Variants in BBS9 observed in about 807,000 individuals in gnomAD.
The protein encoded by BBS9 is protein PTHB1.
Under a neutral mutation model 117.7 loss-of-function variants are expected in BBS9, and 89 were observed. The ratio of observed to expected loss-of-function variants is 0.76; its 90% CI spans 0.64 to 0.90. The LOEUF (loss-of-function observed/expected upper bound fraction) is 0.90, where lower values mean the gene tolerates loss of function less well. Ranked by LOEUF, BBS9 falls within the 40% of genes least tolerant of loss-of-function variation. The pLI is 0.00. For missense variants in BBS9, 982 were observed against 1,042.2 expected (o/e 0.94, Z 0.80); for synonymous variants, 379 against 370.9 (o/e 1.02, Z -0.25).
chr7:33,230,411 A>T (rs1792126471), intron 5 of BBS9, among the ~76,000 whole-genome samples: 1 of 152,194 alleles, frequency 6.6e-6, no homozygotes, highest in African/African-American at 2.4e-5. Context: ...TTTATCCATT[A>T]CATTTTTTAA....
intron 9 of BBS9, among the ~76,000 whole-genome samples, chr7:33,301,065 G>T (rs909985424): frequency 4.0e-5 from 6 of 151,752 alleles, no homozygotes; most frequent in Non-Finnish European, 7.4e-5. Context: ...TTCTTTGAAG[G>T]TACCTGTCCC....
rs182244077 is a variant in BBS9, at chr7:33,265,780, T to C, written c.702+1406T>C. Among the ~76,000 whole-genome samples, 989 of 152,150 alleles carry C rather than the reference T, an allele frequency of 6.5e-3. 6 individuals are homozygous for C. The highest frequency in any genetic ancestry group is 0.01 in the Non-Finnish European group (691 of 67,990). On this transcript the variant is annotated intron_variant, in intron 7 of 22. Transcript: ENST00000242067. ...ATCGCTTGAACCTGGGGGGCAGAGA[T>C]TGCAGTAAGCTGAGATCGTGCCACT...
intron 9 of BBS9, among the ~76,000 whole-genome samples, chr7:33,328,996 T>C (rs757302120): frequency 1.0e-5 from 1 of 97,314 alleles, no homozygotes; most frequent in Non-Finnish European, 2.3e-5. Context: ...TTCCTTCTTT[T>C]ATTTATTTAT....
intron 4 of BBS9, among the ~76,000 whole-genome samples, chr7:33,161,423 A>C (rs1243034871): frequency 2.0e-5 from 3 of 152,152 alleles, no homozygotes; most frequent in African/African-American, 7.2e-5. Flanking sequence ...TTCCAGCTTC[A>C]TCCATGTCCC....
intron 17 of BBS9, among the ~76,000 whole-genome samples, chr7:33,373,293 C>T (rs1823206471): frequency 6.6e-6 from 1 of 152,048 alleles, no homozygotes; most frequent in African/African-American, 2.4e-5. Flanking sequence ...CAAAATAATT[C>T]GATGATAGAA....
At chr7:33,142,944 G>A (rs1318164317) in intron 1 of BBS9, among the ~76,000 whole-genome samples, 1 of 151,966 alleles carries the variant, frequency 6.6e-6, no homozygotes, top group Non-Finnish European at 1.5e-5. Flanking sequence ...ACCAAGAAGT[G>A]GGATGGCTGG....
At chr7:33,283,576 A>G (rs1042226021) in intron 9 of BBS9, among the ~76,000 whole-genome samples, 2 of 152,086 alleles carry the variant, frequency 1.3e-5, no homozygotes, top group African/African-American at 4.8e-5. Context: ...CAAACAATGA[A>G]AAAAAGGGTT....
intron 21 of BBS9, among the ~76,000 whole-genome samples, chr7:33,630,965 A>T (rs921801988): frequency 6.6e-5 from 10 of 152,174 alleles, no homozygotes; most frequent in African/African-American, 1.9e-4. Context: ...GGGGAAATAG[A>T]CTTTACTCAA....
chr7:33,229,369 T>A (rs1012617184), intron 5 of BBS9, among the ~76,000 whole-genome samples: 2 of 152,010 alleles, frequency 1.3e-5, no homozygotes, highest in African/African-American at 4.8e-5. Context: ...TTGTGTATTC[T>A]GTCTCCCCAT....
intron 19 of BBS9, among the ~76,000 whole-genome samples, chr7:33,399,354 C>A (rs1244316579): frequency 6.6e-6 from 1 of 152,096 alleles, no homozygotes; most frequent in African/African-American, 2.4e-5. Flanking sequence ...TAGAGAATCA[C>A]CAGAAACATT....
At chr7:33,296,001 A>G (rs979242854) in intron 9 of BBS9, among the ~76,000 whole-genome samples, 13 of 152,274 alleles carry the variant, frequency 8.5e-5, no homozygotes, top group African/African-American at 3.1e-4. Flanking sequence ...AAAAATCCCA[A>G]CAATTAACAA....
chr7:33,407,410 G>A (rs372135260), intron 19 of BBS9, among the ~76,000 whole-genome samples: 56 of 152,096 alleles, frequency 3.7e-4, no homozygotes, highest in Admixed American at 8.5e-4. Flanking sequence ...TAGTTTGATC[G>A]TCTGAAGCCT....
intron 10 of BBS9, 59 bp from the exon 11 acceptor site, chr7:33,340,838 A>C: frequency 6.8e-7 from 1 of 1,466,398 alleles, no homozygotes; most frequent in South Asian, 1.2e-5. Context: ...TTTAAAGAAA[A>C]ACTATATATA....
intron 17 of BBS9, among the ~76,000 whole-genome samples, chr7:33,383,265 T>C (rs1302219870): frequency 6.6e-6 from 1 of 152,228 alleles, no homozygotes; most frequent in Non-Finnish European, 1.5e-5. Flanking sequence ...TTGAATTTTA[T>C]ATAGAATCAA....
intron 1 of BBS9, among the ~76,000 whole-genome samples, chr7:33,136,398 A>G (rs1441992130): frequency 1.3e-5 from 2 of 152,152 alleles, no homozygotes; most frequent in African/African-American, 4.8e-5. Context: ...ATGATTTTGA[A>G]TAGAAGTGGT....
At chr7:33,406,902 A>G (rs537767172) in intron 19 of BBS9, among the ~76,000 whole-genome samples, 62 of 152,138 alleles carry the variant, frequency 4.1e-4, no homozygotes, top group Non-Finnish European at 7.1e-4. Context: ...TGAATCTGAC[A>G]ATTATGTGTC....
At chr7:33,528,176 TTTG>T (rs1849956385) in intron 20 of BBS9, among the ~76,000 whole-genome samples, 1 of 152,198 alleles carries the variant, frequency 6.6e-6, no homozygotes, top group Admixed American at 6.5e-5. Context: ...TTTAATACAG[TTTG>T]TTATTAAGAT....
intron 21 of BBS9, among the ~76,000 whole-genome samples, chr7:33,626,339 C>A (rs753982516): frequency 6.6e-6 from 1 of 152,138 alleles, no homozygotes; most frequent in African/African-American, 2.4e-5. Flanking sequence ...TATCCAGTCT[C>A]ATGTGGTTCC....
intron 20 of BBS9, among the ~76,000 whole-genome samples, chr7:33,515,905 A>G (rs956735619): frequency 6.6e-6 from 1 of 152,210 alleles, no homozygotes; most frequent in African/African-American, 2.4e-5. Flanking sequence ...TTATACTTCT[A>G]ACTACACTAT....
Sources: allele counts gnomAD v4.1 joint callset (sites outside exome capture counted in the v4.1 genomes callset), GRCh38; gene constraint gnomAD v4.1.1; transcripts MANE v1.5; gene names NCBI Gene and HGNC (gene_info 2026-07-23, HGNC 2026-07-21).